TOX2: variants seen among roughly 807,000 people sequenced by gnomAD.
TOX2 encodes the protein TOX high mobility group box family member 2, also known as granulosa cell HMG box 1.
A neutral mutation model predicts 47.4 loss-of-function variants in TOX2; 15 were observed. The observed-to-expected ratio is 0.32, with a 90% CI of 0.21 to 0.49. TOX2 has a LOEUF of 0.49. TOX2 is among the 20% of genes least tolerant of loss of function. The pLI is 0.99. For synonymous variants in TOX2, 290 were observed against 296.6 expected, an observed-to-expected ratio of 0.98 and a Z score of 0.23; for missense variants, 622 against 673.1, an observed-to-expected ratio of 0.92 and a Z score of 0.84.
chr20:43,939,135 TGACTCAGG>T (rs2069368201), intron 1 of TOX2, among the ~76,000 whole-genome samples: 2 of 152,158 alleles, frequency 1.3e-5, no homozygotes, highest in Non-Finnish European at 2.9e-5. Flanking sequence ...AGGAGATCAG[TGACTCAGG>T]GACAGCATAG....
intron 5 of TOX2, among the ~76,000 whole-genome samples, chr20:44,059,636 C>T (rs1481103681): frequency 3.9e-5 from 6 of 152,094 alleles, no homozygotes; most frequent in African/African-American, 7.2e-5. Context: ...CCTCCTTAAA[C>T]GATTAGCCAA....
At chr20:43,976,773 AGC>A (rs33946078) in intron 2 of TOX2, among the ~76,000 whole-genome samples, 2 of 139,112 alleles carry the variant, frequency 1.4e-5, no homozygotes, top group Admixed American at 1.5e-4. Context: ...TCACAACGCG[AGC>A]GCGCGCGCAC....
At chr20:44,056,592 G>A (rs1325532363) in intron 5 of TOX2, among the ~76,000 whole-genome samples, 1 of 152,122 alleles carries the variant, frequency 6.6e-6, no homozygotes. Flanking sequence ...TTTCATTTCT[G>A]CTTACCTGTC....
chr20:43,979,241 A>C (rs2070131327), intron 2 of TOX2, among the ~76,000 whole-genome samples: 1 of 152,208 alleles, frequency 6.6e-6, no homozygotes, highest in Non-Finnish European at 1.5e-5. Context: ...TCTTCAGCCC[A>C]TGATATCAAA....
At chr20:44,006,512 C>G (rs1331785477) in intron 2 of TOX2, 35 bp from the exon 3 acceptor site, 2 of 1,579,922 alleles carry the variant, frequency 1.3e-6, no homozygotes, top group Admixed American at 3.4e-5. Context: ...TTGTAAGGCA[C>G]TGACCCCCAC....
At chr20:44,063,519 G>A (rs557675723) in intron 5 of TOX2, among the ~76,000 whole-genome samples, 1 of 152,096 alleles carries the variant, frequency 6.6e-6, no homozygotes, top group Non-Finnish European at 1.5e-5. Context: ...ATATAAACTA[G>A]TACATCCACT....
At chr20:44,038,161 T>A (rs1489312628) in intron 3 of TOX2, among the ~76,000 whole-genome samples, 1 of 152,098 alleles carries the variant, frequency 6.6e-6, no homozygotes, top group Admixed American at 6.5e-5. Flanking sequence ...TCTGGGGAGC[T>A]GAGGAGGGTG....
intron 2 of TOX2, among the ~76,000 whole-genome samples, chr20:43,995,755 A>G (rs934087635): frequency 3.3e-5 from 5 of 152,182 alleles, no homozygotes; most frequent in Non-Finnish European, 7.3e-5. Flanking sequence ...GAGTGAGAAC[A>G]TGTGGTATTT....
chr20:44,046,598 GGT>G (rs2145735327), intron 3 of TOX2, among the ~76,000 whole-genome samples: 1 of 152,230 alleles, frequency 6.6e-6, no homozygotes, highest in African/African-American at 2.4e-5. Context: ...TACATACAAG[GGT>G]GTATTGCTCA....
chr20:43,945,690 G>T, intron 1 of TOX2: 1 of 536,034 alleles, frequency 1.9e-6, no homozygotes, highest in Non-Finnish European at 3.2e-6. Flanking sequence ...CCCGAGACCT[G>T]GCGTGGAGAC....
intron 1 of TOX2, among the ~76,000 whole-genome samples, chr20:43,924,787 G>T (rs1415075374): frequency 6.6e-6 from 1 of 152,076 alleles, no homozygotes; most frequent in Non-Finnish European, 1.5e-5. Flanking sequence ...TTTAAAAATT[G>T]ATTTTGCTCT....
At chr20:44,032,572 T>C (rs1388579336) in intron 3 of TOX2, among the ~76,000 whole-genome samples, 1 of 152,002 alleles carries the variant, frequency 6.6e-6, no homozygotes, top group East Asian at 1.9e-4. Flanking sequence ...CAGGTGGTGG[T>C]GGTGGTGGTT....
intron 3 of TOX2, among the ~76,000 whole-genome samples, chr20:44,048,172 C>T (rs920158614): frequency 2.0e-5 from 3 of 151,762 alleles, no homozygotes; most frequent in African/African-American, 7.3e-5. Context: ...TTGTGGTGAG[C>T]CGAGATAGCA....
intron 2 of TOX2, among the ~76,000 whole-genome samples, chr20:43,979,038 C>G (rs2070127950): frequency 1.3e-5 from 2 of 152,022 alleles, no homozygotes; most frequent in Non-Finnish European, 2.9e-5. Flanking sequence ...AGGATGACTC[C>G]TAGGCTTCTA....
intron 2 of TOX2, among the ~76,000 whole-genome samples, chr20:43,984,240 A>G (rs2070223739): frequency 6.6e-6 from 1 of 152,246 alleles, no homozygotes; most frequent in Non-Finnish European, 1.5e-5. Flanking sequence ...AACATGATTC[A>G]TGAGTTCTGA....
intron 5 of TOX2, 53 bp from the exon 6 acceptor site, chr20:44,064,724 G>A: frequency 1.3e-6 from 2 of 1,560,434 alleles, no homozygotes; most frequent in Non-Finnish European, 1.8e-6. Context: ...ACCCTGCACG[G>A]CATCTCCTCT....
chr20:43,930,584 G>A (rs2069239086), intron 1 of TOX2, among the ~76,000 whole-genome samples: 1 of 152,176 alleles, frequency 6.6e-6, no homozygotes. Context: ...GCCTTTGTCA[G>A]GAGGGAGGCG....
intron 3 of TOX2, among the ~76,000 whole-genome samples, chr20:44,015,089 C>A (rs1205009095): frequency 1.3e-5 from 2 of 152,032 alleles, no homozygotes; most frequent in Non-Finnish European, 2.9e-5. Flanking sequence ...AGGTGCCATG[C>A]TTTTGTCTAA....
At chr20:44,019,475 C>A (rs1436209282) in intron 3 of TOX2, among the ~76,000 whole-genome samples, 4 of 152,244 alleles carry the variant, frequency 2.6e-5, no homozygotes, top group Non-Finnish European at 5.9e-5. Flanking sequence ...AAGGTGGGAC[C>A]CTTGCCCCTG....
Sources: allele counts gnomAD v4.1 joint callset (sites outside exome capture counted in the v4.1 genomes callset), GRCh38; gene constraint gnomAD v4.1.1; transcripts MANE v1.5; gene names NCBI Gene and HGNC (gene_info 2026-07-23, HGNC 2026-07-21).